TBC1D19: variants seen among roughly 807,000 people sequenced by gnomAD.
The protein encoded by TBC1D19 is TBC1 domain family member 19.
Under a neutral mutation model 89.0 loss-of-function variants are expected in TBC1D19, and 60 were observed. That is an observed-to-expected ratio of 0.67 (90% CI 0.55 to 0.84). TBC1D19 has a LOEUF of 0.84. Ranked by LOEUF, TBC1D19 falls within the 40% of genes least tolerant of loss-of-function variation. The pLI is 0.00. For missense variants in TBC1D19, 500 were observed against 610.8 expected (o/e 0.82, Z 1.91); for synonymous variants, 189 against 199.7 (o/e 0.95, Z 0.45).
intron 11 of TBC1D19, among the ~76,000 whole-genome samples, chr4:26,682,105 A>G (rs903846428): frequency 2.0e-4 from 31 of 152,262 alleles, no homozygotes; most frequent in African/African-American, 7.5e-4. Context: ...GTAATTTTAA[A>G]CTTATTTTTA....
intron 15 of TBC1D19, among the ~76,000 whole-genome samples, chr4:26,735,001 CACATATGTATATGT>C (rs1490900766): frequency 6.8e-5 from 8 of 117,036 alleles, no homozygotes; most frequent in African/African-American, 2.5e-4. Flanking sequence ...TATATGTATA[CACATATGTATATGT>C]GTATACACAT....
the TBC1D19 span, among the ~76,000 whole-genome samples, chr4:26,795,010 A>G: frequency 3.3e-5 from 5 of 152,346 alleles, no homozygotes; most frequent in South Asian, 1.0e-3. Context: ...GCTACCAGCC[A>G]GAGTGATCCT....
chr4:26,846,986 T>C, the TBC1D19 span, among the ~76,000 whole-genome samples: 1 of 152,188 alleles, frequency 6.6e-6, no homozygotes, highest in African/African-American at 2.4e-5. Flanking sequence ...TTGTACATTC[T>C]CTCTACTCAG....
intron 15 of TBC1D19, among the ~76,000 whole-genome samples, chr4:26,724,891 A>G (rs1717210541): frequency 6.6e-6 from 1 of 151,570 alleles, no homozygotes; most frequent in Non-Finnish European, 1.5e-5. Context: ...GTATACCACC[A>G]CTCCCATCTT....
intron 4 of TBC1D19, among the ~76,000 whole-genome samples, chr4:26,622,366 G>C (rs950054444): frequency 6.6e-6 from 1 of 151,932 alleles, no homozygotes; most frequent in African/African-American, 2.4e-5. Context: ...TAACATACTA[G>C]GTGTAAGAAA....
At chr4:26,820,434 G>A in the TBC1D19 span, among the ~76,000 whole-genome samples, 1 of 152,134 alleles carries the variant, frequency 6.6e-6, no homozygotes, top group South Asian at 2.1e-4. Context: ...TGTAAGTTGA[G>A]ATCATACAGT....
At chr4:26,617,246 C>G (rs1415167205) in intron 3 of TBC1D19, among the ~76,000 whole-genome samples, 2 of 152,186 alleles carry the variant, frequency 1.3e-5, no homozygotes, top group African/African-American at 4.8e-5. Context: ...ATCCCACCCA[C>G]GTAGGTGAAG....
Position 26,672,180 on chromosome 4 carries a change from G to T in TBC1D19, c.696G>T (p.Gly232=). The change falls in exon 10 of 21, where the codon GGG becomes GGT. Residue 232 remains glycine, a synonymous_variant. Transcript: ENST00000264866. ...ELFENEHVRI[G]QKVLAEQDSA... ...TTGAAAATGAACATGTACGTATTGG[G>T]CAAAAAGGTAAGCTTTTAATTATAA... 1 of 1,307,144 alleles carries T rather than the reference G, an allele frequency of 7.7e-7. No homozygotes were observed. The highest frequency in any genetic ancestry group is 5.0e-5 in the East Asian group (1 of 19,848). 81.0% of individuals were successfully genotyped at this position (1,307,144 alleles called of 1,614,324 possible). A position where few individuals can be genotyped will look rare whatever the true frequency, so the allele number is the denominator to read the frequency against.
intron 1 of TBC1D19, among the ~76,000 whole-genome samples, chr4:26,604,283 A>C (rs1740832783): frequency 6.7e-6 from 1 of 148,230 alleles, no homozygotes; most frequent in African/African-American, 2.5e-5. Context: ...CCTCCCGAGT[A>C]CTGGGACTAC....
At chr4:26,807,967 C>T in the TBC1D19 span, among the ~76,000 whole-genome samples, 2 of 152,124 alleles carry the variant, frequency 1.3e-5, no homozygotes, top group African/African-American at 4.8e-5. Context: ...TGGAATGAAG[C>T]GAGGTTACCT....
chr4:26,784,501 G>A, the TBC1D19 span, among the ~76,000 whole-genome samples: 1 of 152,202 alleles, frequency 6.6e-6, no homozygotes, highest in Admixed American at 6.5e-5. Flanking sequence ...GCTATGGCTA[G>A]CCTCATCCTC....
chr4:26,643,627 T>C (rs7689000), intron 7 of TBC1D19, among the ~76,000 whole-genome samples: 6,500 of 152,078 alleles, frequency 0.043, 476 homozygotes, highest in African/African-American at 0.15. Context: ...AAAAAATCAG[T>C]GAATCCAGGA....
chr4:26,851,445 C>G, the TBC1D19 span, among the ~76,000 whole-genome samples: 1 of 152,012 alleles, frequency 6.6e-6, no homozygotes, highest in Non-Finnish European at 1.5e-5. Context: ...CATGTAATTC[C>G]TTTCTTAATA....
chr4:26,616,022 C>T (rs1485495415), intron 3 of TBC1D19, among the ~76,000 whole-genome samples: 2 of 151,852 alleles, frequency 1.3e-5, no homozygotes, highest in Non-Finnish European at 2.9e-5. Context: ...TACAATAGAA[C>T]TTTAAGTATA....
At chr4:26,640,223 A>G (rs1365877942) in intron 7 of TBC1D19, 36 bp downstream of exon 7, 7 of 1,462,674 alleles carry the variant, frequency 4.8e-6, no homozygotes, top group Non-Finnish European at 6.7e-6. Flanking sequence ...TATATTAATG[A>G]ATGAATAATG....
chr4:26,628,952 T>G (rs1742616054), intron 4 of TBC1D19, among the ~76,000 whole-genome samples: 2 of 152,044 alleles, frequency 1.3e-5, no homozygotes, highest in African/African-American at 4.8e-5. Context: ...ATTTATAGAT[T>G]CAATGCCATC....
At chr4:26,830,934 C>T in the TBC1D19 span, among the ~76,000 whole-genome samples, 4 of 152,082 alleles carry the variant, frequency 2.6e-5, no homozygotes, top group Admixed American at 2.6e-4. Context: ...CATTTTTAGC[C>T]CTGAGGAGAG....
At chr4:26,666,884 A>G (rs941299282) in intron 9 of TBC1D19, among the ~76,000 whole-genome samples, 4 of 152,008 alleles carry the variant, frequency 2.6e-5, no homozygotes, top group African/African-American at 9.7e-5. Context: ...GTATTTAGCT[A>G]TAATAAAAAT....
the TBC1D19 span, among the ~76,000 whole-genome samples, chr4:26,779,277 A>G: frequency 6.6e-6 from 1 of 152,226 alleles, no homozygotes; most frequent in South Asian, 2.1e-4. Context: ...TCTAAGGCAC[A>G]GTCCTGGCCT....
Sources: gnomAD v4.1 joint callset for allele counts (sites outside exome capture counted in the v4.1 genomes callset) on GRCh38, gnomAD v4.1.1 for gene constraint, MANE v1.5 for transcripts, NCBI Gene and HGNC (gene_info 2026-07-23, HGNC 2026-07-21) for gene names.